The following DLG2 variants were observed in gnomAD, a reference collection of about 807,000 sequenced individuals.
DLG2 encodes discs large MAGUK scaffold protein 2.
Under a neutral mutation model 132.5 loss-of-function variants are expected in DLG2, and 45 were observed. The ratio of observed to expected loss-of-function variants is 0.34; its 90% CI spans 0.27 to 0.44. The LOEUF is 0.44. Ranked by LOEUF, DLG2 falls within the 20% of genes least tolerant of loss-of-function variation. The pLI is 1.00. For synonymous variants in DLG2, 424 were observed against 419.6 expected, an observed-to-expected ratio of 1.01 and a Z score of -0.13; for missense variants, 1,045 against 1,196.9, an observed-to-expected ratio of 0.87 and a Z score of 1.87.
chr11:84,704,928 C>T (rs1463939491), intron 6 of DLG2, among the ~76,000 whole-genome samples: 3 of 148,314 alleles, frequency 2.0e-5, no homozygotes, highest in East Asian at 2.0e-4. Flanking sequence ...TGTATATACA[C>T]ATATATATTA....
chr11:85,495,472 A>C (rs2093649083), intron 3 of DLG2, among the ~76,000 whole-genome samples: 1 of 152,146 alleles, frequency 6.6e-6, no homozygotes, highest in Admixed American at 6.6e-5. Context: ...AGTAGGCAAA[A>C]GATATGAATA....
At chr11:85,179,366 A>G (rs758940933) in intron 4 of DLG2, among the ~76,000 whole-genome samples, 8 of 151,936 alleles carry the variant, frequency 5.3e-5, no homozygotes, top group Admixed American at 1.3e-4. Context: ...TCTAAGTACA[A>G]AGATAAATAG....
chr11:85,400,149 G>A lies in DLG2; in HGVS notation c.41-114784C>T, dbSNP rs61907122. 4.4e-3 allele frequency among the ~76,000 whole-genome samples: 671 copies of A among 152,294 alleles called. 3 individuals carry two copies. Among genetic ancestry groups the A allele is most frequent in the Non-Finnish European group, 7.2e-3 (487 of 68,036 alleles). ...TAGGAACAGACACTTCTCAAAAGAA[G>A]ATATTTATGCAGCCAAAAGACACAT... On this transcript the variant is annotated intron_variant, in intron 3 of 27. Transcript: ENST00000376104.
At position 85,394,778 on chromosome 11, in the gene DLG2, A is replaced by T. The variant is rs547799263; in HGVS notation, c.41-109413T>A. On this transcript the variant is annotated intron_variant, in intron 3 of 27. Coordinates refer to ENST00000376104, the MANE Select transcript of DLG2 (RefSeq NM_001142699.3). ...ACTCCATCTCAGATGCTAATCTGCC[A>T]TGTTGACTTCTGGTTAGCCCCAACA... 2.0e-5 allele frequency among the ~76,000 whole-genome samples: 3 copies of T among 152,304 alleles called. No individual in the cohort carries two copies. In the East Asian group the frequency reaches 5.8e-4, roughly 29 times the overall value.
rs775964373 is a variant in DLG2, at chr11:84,059,291, G to T, written c.919+24C>A. 3 of 1,609,542 alleles carry T rather than the reference G, an allele frequency of 1.9e-6. No homozygotes were observed. In the Admixed American group the frequency reaches 5.0e-5, roughly 27 times the overall value. Reference sequence around the variant, plus strand: ...GTCAGATGGTTTGTCACTAGTGTCTGTGAGTCATTTATATTTTGATTACCT... The same window carrying T: ...GTCAGATGGTTTGTCACTAGTGTCTTTGAGTCATTTATATTTTGATTACCT... On this transcript the variant is annotated intron_variant, in intron 11 of 27. Transcript: ENST00000376104.
At chr11:83,948,246 C>T (rs2084559455) in intron 14 of DLG2, among the ~76,000 whole-genome samples, 2 of 152,148 alleles carry the variant, frequency 1.3e-5, no homozygotes, top group Non-Finnish European at 2.9e-5. Context: ...TGAGAAAGGA[C>T]TCACATTGTT....
intron 7 of DLG2, among the ~76,000 whole-genome samples, chr11:84,288,180 T>A (rs1373951877): frequency 2.6e-5 from 4 of 152,054 alleles, no homozygotes; most frequent in Admixed American, 2.0e-4. Flanking sequence ...TCACCAAGCT[T>A]TAGTTTTCTC....
intron 22 of DLG2, among the ~76,000 whole-genome samples, chr11:83,476,562 C>T (rs2092632594): frequency 6.6e-6 from 1 of 152,036 alleles, no homozygotes; most frequent in African/African-American, 2.4e-5. Flanking sequence ...AGAAGATGAA[C>T]TTAATATACG....
At chr11:83,780,076 A>T (rs1555399356) in intron 18 of DLG2, among the ~76,000 whole-genome samples, 1 of 152,190 alleles carries the variant, frequency 6.6e-6, no homozygotes, top group Non-Finnish European at 1.5e-5. Context: ...TTTGTGATGC[A>T]GTTACGTGAG....
At chr11:84,414,767 A>T (rs1296579942) in intron 7 of DLG2, among the ~76,000 whole-genome samples, 1 of 152,208 alleles carries the variant, frequency 6.6e-6, no homozygotes, top group Non-Finnish European at 1.5e-5. Context: ...GCTTCTTGCC[A>T]CTTCCAGGTT....
At chr11:85,508,968 T>C (rs1056767558) in intron 3 of DLG2, among the ~76,000 whole-genome samples, 2 of 152,058 alleles carry the variant, frequency 1.3e-5, no homozygotes, top group South Asian at 2.1e-4. Context: ...AATAGTATAG[T>C]TTATTTCAGT....
chr11:85,387,806 G>C (rs990577620), intron 3 of DLG2, among the ~76,000 whole-genome samples: 9 of 152,132 alleles, frequency 5.9e-5, no homozygotes, highest in Non-Finnish European at 1.2e-4. Context: ...ATCTAGAGGG[G>C]AAAAAATGGC....
chr11:83,461,396 ACAGAACT>A (rs886941661), intron 27 of DLG2: 10 of 152,188 alleles, frequency 6.6e-5, no homozygotes, highest in African/African-American at 2.4e-4. Context: ...ATATAGGAAT[ACAGAACT>A]CAGAACTCAG....
intron 6 of DLG2, among the ~76,000 whole-genome samples, chr11:84,629,780 G>A (rs891776407): frequency 2.6e-5 from 4 of 152,048 alleles, no homozygotes; most frequent in South Asian, 4.1e-4. Flanking sequence ...GCAGACGAAC[G>A]GAGAGAGGGA....
intron 6 of DLG2, among the ~76,000 whole-genome samples, chr11:84,745,801 T>C (rs995071853): frequency 1.3e-5 from 2 of 152,230 alleles, no homozygotes; most frequent in Admixed American, 6.5e-5. Flanking sequence ...TTACATGAAG[T>C]GGCTAAAACA....
chr11:85,172,071 C>T (rs950160466), intron 4 of DLG2, among the ~76,000 whole-genome samples: 15 of 152,218 alleles, frequency 9.9e-5, no homozygotes, highest in Non-Finnish European at 1.6e-4. Context: ...GGGGGGGTTC[C>T]GCCCAGTGCA....
At chr11:83,805,328 G>A (rs1484639012) in intron 17 of DLG2, among the ~76,000 whole-genome samples, 1 of 151,498 alleles carries the variant, frequency 6.6e-6, no homozygotes, top group Non-Finnish European at 1.5e-5. Flanking sequence ...TTATTAGCTG[G>A]TATTATTTTG....
chr11:85,041,172 G>T lies in DLG2; in HGVS notation c.357+70489C>A, dbSNP rs938491651. ...CCAAAACGAAATATATCTTTACGAA[G>T]AACTTGGAGGGTTTAAATAGCCTTC... On this transcript the variant is annotated intron_variant, in intron 6 of 27. Transcript: ENST00000376104. Among the ~76,000 whole-genome samples, 3 of 151,896 alleles carry T rather than the reference G, an allele frequency of 2.0e-5. No individual in the cohort carries two copies. In the East Asian group the frequency reaches 5.8e-4, roughly 29 times the overall value.
intron 6 of DLG2, among the ~76,000 whole-genome samples, chr11:84,538,983 C>T (rs1409545675): frequency 6.6e-6 from 1 of 152,110 alleles, no homozygotes; most frequent in Non-Finnish European, 1.5e-5. Flanking sequence ...ATCTTTATTT[C>T]CTTTGGCTGA....
Sources: gnomAD v4.1 joint callset for allele counts (sites outside exome capture counted in the v4.1 genomes callset) on GRCh38, gnomAD v4.1.1 for gene constraint, MANE v1.5 for transcripts, NCBI Gene and HGNC (gene_info 2026-07-23, HGNC 2026-07-21) for gene names.